SH3PXD2A: variants seen among roughly 807,000 people sequenced by gnomAD.
The protein encoded by SH3PXD2A is SH3 and PX domains 2A, also known as SH3 and PX domain-containing protein 2A.
A neutral mutation model predicts 115.2 loss-of-function variants in SH3PXD2A; 32 were observed. The observed-to-expected ratio is 0.28, with a 90% CI of 0.21 to 0.37. SH3PXD2A has a LOEUF of 0.37. SH3PXD2A is among the 10% of genes least tolerant of loss of function. SH3PXD2A has a pLI of 1.00. For synonymous variants in SH3PXD2A, 610 were observed against 629.1 expected, an observed-to-expected ratio of 0.97 and a Z score of 0.45; for missense variants, 1,328 against 1,498.7, an observed-to-expected ratio of 0.89 and a Z score of 1.88.
chr10:103,674,213 A>G (rs1474179580), intron 6 of SH3PXD2A, among the ~76,000 whole-genome samples: 1 of 152,200 alleles, frequency 6.6e-6, no homozygotes, highest in Non-Finnish European at 1.5e-5. Context: ...CAGGCCATCA[A>G]ATAATTAGGG....
At chr10:103,631,828 C>T (rs1288383918) in intron 8 of SH3PXD2A, among the ~76,000 whole-genome samples, 1 of 152,144 alleles carries the variant, frequency 6.6e-6, no homozygotes, top group Non-Finnish European at 1.5e-5. Flanking sequence ...GTTCTAATGT[C>T]AGTAGCGGTC....
rs746626117 is a variant in SH3PXD2A, at chr10:103,601,882, C to T, written c.3336G>A (p.Gln1112=). Residue 1112 remains glutamine, a synonymous_variant, in exon 15 of 15, where the codon CAG becomes CAA. Transcript: ENST00000369774. ...TGAAGGGCTTCACACCATCCAGGATCTGGCAGTACCACCAGCCATTAGGGT... is the reference window on the plus strand; with the variant it reads ...TGAAGGGCTTCACACCATCCAGGATTTGGCAGTACCACCAGCCATTAGGGT... ...ERNPNGWWYC[Q]ILDGVKPFKG... The T allele has an allele frequency of 2.0e-5, 32 of 1,613,736 alleles. No individual in the cohort carries two copies. The Admixed American group carries it at 5.3e-4, about 27-fold the overall frequency.
At chr10:103,631,526 A>T (rs2036779344) in intron 8 of SH3PXD2A, among the ~76,000 whole-genome samples, 1 of 152,154 alleles carries the variant, frequency 6.6e-6, no homozygotes, top group Non-Finnish European at 1.5e-5. Context: ...TTGAACAGAG[A>T]CAGTCCTTGC....
Position 103,836,228 on chromosome 10 carries a change from T to C in SH3PXD2A, c.72+18967A>G, listed in dbSNP as rs149325876. On this transcript the variant is annotated intron_variant, in intron 1 of 14. Transcript: ENST00000369774. ...CTTTTATACTAAAATCTAAGTATTC[T>C]TGGACCCCCTAGCCTGATCATAGGG... 3.7e-3 allele frequency among the ~76,000 whole-genome samples: 559 copies of C among 152,260 alleles called. 4 individuals are homozygous for C. Among genetic ancestry groups the C allele is most frequent in the African/African-American group, 0.012 (497 of 41,524 alleles).
rs565832685 is a variant in SH3PXD2A at position 103,771,606 on chromosome 10, G to A, written c.154-4437C>T. 3.3e-5 allele frequency among the ~76,000 whole-genome samples: 5 copies of A among 152,206 alleles called. No homozygotes were observed. The South Asian group carries it at 1.0e-3, about 32-fold the overall frequency. Reference sequence around the variant, plus strand: ...AAAAAAAAGTACAAAAATTAGGTGGGCATGGTGGTGCACATCTGTAGTCCC... The same window carrying A: ...AAAAAAAAGTACAAAAATTAGGTGGACATGGTGGTGCACATCTGTAGTCCC... On this transcript the variant is annotated intron_variant, in intron 2 of 14. Coordinates refer to ENST00000369774, the MANE Select transcript of SH3PXD2A (RefSeq NM_001394015.1).
chr10:103,736,689 A>T (rs984461310), intron 3 of SH3PXD2A: 10 of 1,004,594 alleles, frequency 1.0e-5, no homozygotes, highest in Non-Finnish European at 1.4e-5. Flanking sequence ...CTCGTTGTCC[A>T]TTCCTAGGCT....
At position 103,855,375 on chromosome 10, in the gene SH3PXD2A, C is replaced by G; in HGVS notation, c.-109G>C. 1 of 806,028 alleles carries G rather than the reference C, an allele frequency of 1.2e-6. No individual in the cohort carries two copies. The highest frequency in any genetic ancestry group is 2.3e-5 in the South Asian group (1 of 43,270). The allele number at this position is 806,028 out of a possible 1,614,324, so 49.9% of individuals were successfully genotyped here. ...GTCCCGGGGCCGCCCGCCACCCCGGCCCGGCGCGCCGAACGCTGCCCGGAC... is the reference window on the plus strand; with the variant it reads ...GTCCCGGGGCCGCCCGCCACCCCGGGCCGGCGCGCCGAACGCTGCCCGGAC... On this transcript the variant is annotated 5_prime_UTR_variant, in exon 1 of 15. Transcript: ENST00000369774.
At chr10:103,652,198 A>G (rs2037136027) in intron 8 of SH3PXD2A, among the ~76,000 whole-genome samples, 1 of 152,222 alleles carries the variant, frequency 6.6e-6, no homozygotes, top group Admixed American at 6.5e-5. Flanking sequence ...ATGAAACAAA[A>G]CCAATGATAA....
At chr10:103,629,249 C>G (rs537545746) in intron 8 of SH3PXD2A, among the ~76,000 whole-genome samples, 1 of 152,362 alleles carries the variant, frequency 6.6e-6, no homozygotes, top group African/African-American at 2.4e-5. Context: ...GCTGAAGTCA[C>G]TGAGCAGCTC....
intron 5 of SH3PXD2A, among the ~76,000 whole-genome samples, chr10:103,704,999 G>A (rs908345440): frequency 6.6e-6 from 1 of 152,110 alleles, no homozygotes; most frequent in African/African-American, 2.4e-5. Context: ...GTAGCAGGGG[G>A]GCCATCCAGG....
chr10:103,601,210 T>TAACA lies in SH3PXD2A; in HGVS notation c.*602_*605dup, dbSNP rs1390063089. 6.6e-6 allele frequency: 1 copy of TAACA among 152,254 alleles called. No homozygotes were observed. Among genetic ancestry groups the TAACA allele is most frequent in the Non-Finnish European group, 1.5e-5 (1 of 68,088 alleles). 9.4% of individuals were successfully genotyped at this position (152,254 alleles called of 1,614,324 possible). On this transcript the variant is annotated 3_prime_UTR_variant, in exon 15 of 15. Coordinates refer to ENST00000369774, the MANE Select transcript of SH3PXD2A (RefSeq NM_001394015.1). ...ACCTGGGAACTGCTTTTTCTTCAACTAACAGTGACAATGGCCTGGCCCAGA... is the reference window on the plus strand; with the variant it reads ...ACCTGGGAACTGCTTTTTCTTCAACTAACAAACAGTGACAATGGCCTGGCCCAGA...
At chr10:103,819,481 G>A (rs1310193747) in intron 1 of SH3PXD2A, among the ~76,000 whole-genome samples, 1 of 152,160 alleles carries the variant, frequency 6.6e-6, no homozygotes, top group African/African-American at 2.4e-5. Context: ...GGCCAGCTGG[G>A]GTGACTGGAG....
Position 103,599,623 on chromosome 10 carries a change from T to C in SH3PXD2A, c.*2193A>G, listed in dbSNP as rs985609432. 10 of 152,666 alleles carry C rather than the reference T, an allele frequency of 6.6e-5. No homozygotes were observed. The highest frequency in any genetic ancestry group is 2.4e-4 in the African/African-American group (10 of 41,470). The allele number at this position is 152,666 out of a possible 1,614,324, so 9.5% of individuals were successfully genotyped here. A position where few individuals can be genotyped will look rare whatever the true frequency, so the allele number is the denominator to read the frequency against. ...AAGTATATACTGCATCTTTAAGTAA[T>C]GCACTTTGCTCTCTGGGTTTTTTCC... On this transcript the variant is annotated 3_prime_UTR_variant, in exon 15 of 15. Transcript: ENST00000369774.
At chr10:103,794,530 G>C (rs1476915807) in intron 2 of SH3PXD2A, among the ~76,000 whole-genome samples, 1 of 152,174 alleles carries the variant, frequency 6.6e-6, no homozygotes, top group Non-Finnish European at 1.5e-5. Context: ...CCAGGAAGGA[G>C]CTGTGCAAGG....
intron 5 of SH3PXD2A, among the ~76,000 whole-genome samples, chr10:103,706,208 G>A (rs939804005): frequency 6.6e-6 from 1 of 152,134 alleles, no homozygotes; most frequent in Non-Finnish European, 1.5e-5. Flanking sequence ...GATGGTGATG[G>A]AGCATCCCCT....
At position 103,622,746 on chromosome 10, in the gene SH3PXD2A, G is replaced by A. The variant is rs374486177; in HGVS notation, c.719-193C>T. The stretch of plus-strand genomic sequence containing the variant: ...GGGGCAGATATGACAGGTCATGGTC[G>A]GCACACAGGGAAAAATTCAACCAAA... On this transcript the variant is annotated intron_variant, in intron 9 of 14. Transcript: ENST00000369774. Among the ~76,000 whole-genome samples the A allele has an allele frequency of 2.0e-5, 3 of 152,152 alleles. No homozygotes were observed. The South Asian group carries it at 6.2e-4, about 32-fold the overall frequency.
intron 2 of SH3PXD2A, among the ~76,000 whole-genome samples, chr10:103,800,253 A>G (rs1029380752): frequency 6.6e-6 from 1 of 152,150 alleles, no homozygotes; most frequent in Non-Finnish European, 1.5e-5. Context: ...TGGGCTCCCT[A>G]GTGGCCATGT....
rs541742628 is a variant in SH3PXD2A at position 103,601,568 on chromosome 10, G to A, written c.*248C>T. ...GGATATCTCAGCTTTCTTGGCTCTG[G>A]GTCCCAGGCCTGGGACTCCCTGGTC... is the stretch of plus-strand genomic sequence containing the variant. On this transcript the variant is annotated 3_prime_UTR_variant, in exon 15 of 15. Coordinates refer to ENST00000369774, the MANE Select transcript of SH3PXD2A (RefSeq NM_001394015.1). The A allele has an allele frequency of 1.4e-5, 6 of 419,064 alleles. No homozygotes were observed. The Admixed American group carries it at 1.6e-4, about 11-fold the overall frequency. 26.0% of individuals were successfully genotyped at this position (419,064 alleles called of 1,614,324 possible). A position where few individuals can be genotyped will look rare whatever the true frequency, so the allele number is the denominator to read the frequency against.
intron 6 of SH3PXD2A, among the ~76,000 whole-genome samples, chr10:103,675,175 C>T (rs1040648830): frequency 3.9e-5 from 6 of 152,188 alleles, no homozygotes; most frequent in African/African-American, 9.7e-5. Context: ...GAGCTGGCTT[C>T]GTGGAGGTGT....
Sources: allele counts gnomAD v4.1 joint callset (sites outside exome capture counted in the v4.1 genomes callset), GRCh38; gene constraint gnomAD v4.1.1; transcripts MANE v1.5; gene names NCBI Gene and HGNC (gene_info 2026-07-23, HGNC 2026-07-21).